The following VWA8 variants were observed in gnomAD, a reference collection of about 807,000 sequenced individuals.
VWA8 encodes von Willebrand factor A domain containing 8.
VWA8 carries 221 observed loss-of-function variants against 241.5 expected under a neutral mutation model. That is an observed-to-expected ratio of 0.91 (90% confidence interval 0.82 to 1.02). The LOEUF is 1.02. Ranked by LOEUF, VWA8 falls within the 50% of genes least tolerant of loss-of-function variation. The pLI is 0.00. For synonymous variants in VWA8, 852 were observed against 827.1 expected (o/e 1.03, Z -0.52); for missense variants, 2,322 against 2,328.7 (o/e 1.00, Z 0.06).
At chr13:41,765,506 A>G (rs1383931815) in intron 20 of VWA8, among the ~76,000 whole-genome samples, 1 of 152,246 alleles carries the variant, frequency 6.6e-6, no homozygotes, top group Non-Finnish European at 1.5e-5. Flanking sequence ...TATCCTGAGC[A>G]AAATGAAACA....
intron 40 of VWA8, among the ~76,000 whole-genome samples, chr13:41,604,774 T>C (rs993807325): frequency 6.6e-6 from 1 of 152,136 alleles, no homozygotes; most frequent in African/African-American, 2.4e-5. Flanking sequence ...CCTCCTAAAT[T>C]ATTTGTGCAA....
At chr13:41,935,410 T>C (rs1453901137) in intron 2 of VWA8, among the ~76,000 whole-genome samples, 2 of 152,108 alleles carry the variant, frequency 1.3e-5, no homozygotes, top group Non-Finnish European at 2.9e-5. Context: ...TCAGGTCCTA[T>C]AAAATGAGTC....
chr13:41,884,049 T>C (rs549740650), intron 8 of VWA8, among the ~76,000 whole-genome samples: 83 of 152,362 alleles, frequency 5.4e-4, no homozygotes, highest in African/African-American at 1.8e-3. Context: ...AATTTCAATA[T>C]GAACTATCTA....
At chr13:41,821,401 C>T (rs1281858451) in intron 14 of VWA8, among the ~76,000 whole-genome samples, 1 of 152,072 alleles carries the variant, frequency 6.6e-6, no homozygotes, top group Non-Finnish European at 1.5e-5. Context: ...TCCCTAAAGG[C>T]TTCCTTACAT....
chr13:41,840,441 A>G (rs1257639772), intron 12 of VWA8, among the ~76,000 whole-genome samples: 1 of 151,996 alleles, frequency 6.6e-6, no homozygotes, highest in Admixed American at 6.6e-5. Context: ...CGTTCTGCAC[A>G]TGTATCCCAG....
Position 41,778,027 on chromosome 13 carries a change from T to C in VWA8, c.2307A>G (p.Lys769=), listed in dbSNP as rs1868691193. 2 of 1,612,430 alleles carry C rather than the reference T, an allele frequency of 1.2e-6. No homozygotes were observed. The highest frequency in any genetic ancestry group is 1.7e-6 in the Non-Finnish European group (2 of 1,179,456). The change falls in exon 20 of 45, where the codon AAA becomes AAG. Residue 769 remains lysine (K), a synonymous_variant. Coordinates refer to ENST00000379310, the MANE Select transcript of VWA8 (RefSeq NM_015058.2). ...QHVIVMEDML[K]DFLLGEHLLL... is the part of the protein sequence containing the mutation. Reference sequence around the variant, plus strand: ...ATAAGTGTTCTCCAAGGAGAAAGTCTTTCAGCATATCTTCCATCACTATCA... The same window carrying C: ...ATAAGTGTTCTCCAAGGAGAAAGTCCTTCAGCATATCTTCCATCACTATCA...
chr13:41,959,802 G>C, intron 1 of VWA8, among the ~76,000 whole-genome samples: 1 of 151,620 alleles, frequency 6.6e-6, no homozygotes, highest in East Asian at 1.9e-4. Flanking sequence ...AGACACGGGG[G>C]TTTCACCGTG....
At chr13:41,672,995 A>G (rs1471765865) in intron 36 of VWA8, among the ~76,000 whole-genome samples, 1 of 152,202 alleles carries the variant, frequency 6.6e-6, no homozygotes, top group African/African-American at 2.4e-5. Context: ...TTACATTTAC[A>G]GGCAATTTCT....
At chr13:41,592,494 T>A (rs9562326) in intron 40 of VWA8, among the ~76,000 whole-genome samples, 10 of 119,984 alleles carry the variant, frequency 8.3e-5, no homozygotes, top group South Asian at 8.3e-4. Flanking sequence ...TAAAATAAAA[T>A]AAAAAGAAAA....
chr13:41,603,906 A>G (rs139497130), intron 40 of VWA8, among the ~76,000 whole-genome samples: 1 of 152,238 alleles, frequency 6.6e-6, no homozygotes, highest in Non-Finnish European at 1.5e-5. Flanking sequence ...GTCTCATAGC[A>G]TTGTGTGCAA....
intron 9 of VWA8, among the ~76,000 whole-genome samples, chr13:41,871,797 T>G (rs1385519642): frequency 2.0e-5 from 3 of 152,176 alleles, no homozygotes; most frequent in South Asian, 2.1e-4. Context: ...GCAGCATGAT[T>G]TATAGTCCTT....
chr13:41,876,152 C>G (rs1566490571), intron 9 of VWA8, among the ~76,000 whole-genome samples: 1 of 152,144 alleles, frequency 6.6e-6, no homozygotes, highest in Non-Finnish European at 1.5e-5. Context: ...ATTACTACAA[C>G]AGTCTACCAA....
intron 37 of VWA8, among the ~76,000 whole-genome samples, chr13:41,665,466 T>A: frequency 6.6e-6 from 1 of 152,196 alleles, no homozygotes; most frequent in East Asian, 1.9e-4. Context: ...ATGAATAAAA[T>A]CATAAATATA....
chr13:41,881,865 C>A (rs1415109941), intron 9 of VWA8, among the ~76,000 whole-genome samples: 1 of 145,558 alleles, frequency 6.9e-6, no homozygotes, highest in East Asian at 2.2e-4. Context: ...GCTGACCCCC[C>A]CACCTCCCTC....
chr13:41,953,679 C>T (rs977965227), intron 1 of VWA8, among the ~76,000 whole-genome samples: 1 of 152,114 alleles, frequency 6.6e-6, no homozygotes, highest in Non-Finnish European at 1.5e-5. Context: ...GTGGCTGGCA[C>T]ATGCCTGTAA....
chr13:41,691,488 T>G, intron 31 of VWA8, 43 bp from the exon 32 acceptor site: 1 of 1,603,724 alleles, frequency 6.2e-7, no homozygotes, highest in Non-Finnish European at 8.5e-7. Context: ...ATGGTGAGGA[T>G]AATGGTTGAG....
chr13:41,660,523 C>G (rs539805346), intron 37 of VWA8, among the ~76,000 whole-genome samples: 1 of 152,310 alleles, frequency 6.6e-6, no homozygotes, highest in Admixed American at 6.5e-5. Flanking sequence ...TGGGTCCTGT[C>G]TTTCAATGCC....
At chr13:41,757,143 GA>G (rs964725716) in intron 21 of VWA8, among the ~76,000 whole-genome samples, 1 of 148,870 alleles carries the variant, frequency 6.7e-6, no homozygotes, top group African/African-American at 2.5e-5. Context: ...TAAAGGAGAG[GA>G]AAAAAAAAGA....
chr13:41,583,650 AAAAAAAAAAAAAC>A (rs1328623602), intron 42 of VWA8, among the ~76,000 whole-genome samples: 1 of 144,932 alleles, frequency 6.9e-6, no homozygotes, highest in African/African-American at 2.5e-5. Flanking sequence ...CTCAAAAAAA[AAAAAAAAAAAAAC>A]AAACAAAAAA....
Sources: allele counts gnomAD v4.1 joint callset (sites outside exome capture counted in the v4.1 genomes callset), GRCh38; gene constraint gnomAD v4.1.1; transcripts MANE v1.5; gene names NCBI Gene and HGNC (gene_info 2026-07-23, HGNC 2026-07-21).